SHISAL2B: variants seen among roughly 807,000 people sequenced by gnomAD.
The protein encoded by SHISAL2B is shisa like 2B, also known as protein shisa-like-2B.
In SHISAL2B, 12 loss-of-function variants were observed where a neutral mutation model predicts 16.5. The observed-to-expected ratio is 0.73, with a 90% CI of 0.47 to 1.18. SHISAL2B has a LOEUF of 1.18. SHISAL2B is among the 50% of genes most tolerant of loss of function. The probability of loss-of-function intolerance (pLI) is 0.00; values close to 1 mark genes in which losing one functional copy is unlikely to be tolerated. For synonymous variants in SHISAL2B, 72 were observed against 75.0 expected, an observed-to-expected ratio of 0.96 and a Z score of 0.21; for missense variants, 183 against 193.6, an observed-to-expected ratio of 0.95 and a Z score of 0.33.
At chr5:64,707,789 A>C (rs942192034) in intron 2 of SHISAL2B, among the ~76,000 whole-genome samples, 1 of 152,216 alleles carries the variant, frequency 6.6e-6, no homozygotes, top group Non-Finnish European at 1.5e-5. Flanking sequence ...TTTAAGCAAA[A>C]AGTCAAAAAG....
Position 64,707,463 on chromosome 5 carries a change from T to C in SHISAL2B, c.350-10426T>C, listed in dbSNP as rs114826833. Among the ~76,000 whole-genome samples, 349 of 152,312 alleles carry C rather than the reference T, an allele frequency of 2.3e-3. 3 individuals are homozygous for C. Among genetic ancestry groups the C allele is most frequent in the African/African-American group, 8.0e-3 (332 of 41,572 alleles). On this transcript the variant is annotated intron_variant, in intron 2 of 2. Coordinates refer to ENST00000389074, the MANE Select transcript of SHISAL2B (RefSeq NM_001164442.2). ...AGGCCAGTTTTCCCCAAAGGGCTTT[T>C]ATTGGCTGTATGGGTTAAGCTTGAT... is the stretch of plus-strand genomic sequence containing the variant.
intron 2 of SHISAL2B, among the ~76,000 whole-genome samples, chr5:64,696,127 A>T (rs1169422862): frequency 6.6e-6 from 1 of 152,204 alleles, no homozygotes; most frequent in African/African-American, 2.4e-5. Flanking sequence ...ATACTTTTAT[A>T]ATTTCTTATG....
intron 2 of SHISAL2B, among the ~76,000 whole-genome samples, chr5:64,696,590 A>G (rs958364132): frequency 2.6e-5 from 4 of 152,034 alleles, no homozygotes; most frequent in Admixed American, 2.6e-4. Flanking sequence ...TCCTGGGGGG[A>G]GGTCTATAAA....
chr5:64,690,947 G>C lies in SHISAL2B; in HGVS notation c.191+133G>C, dbSNP rs530318733. On this transcript the variant is annotated intron_variant, in intron 1 of 2. Transcript: ENST00000389074. ...GCCCTAGGTTAGGTCCCTACGGAAG[G>C]ACGCGGAGCCTCTGAGGGCGGGTGA... 6.4e-4 allele frequency: 472 copies of C among 740,384 alleles called. 1 individual carries two copies. In the African/African-American group the frequency reaches 8.0e-3, roughly 13 times the overall value. The allele number at this position is 740,384 out of a possible 1,614,324, so 45.9% of individuals were successfully genotyped here.
rs1454198379 is a variant in SHISAL2B at position 64,718,029 on chromosome 5, A to G, written c.*7A>G. ...AATCCACATTGCTTATTAACTAAAA[A>G]TTCTGTGTTTTAAATGCTTACTGGA... is the stretch of plus-strand genomic sequence containing the variant. On this transcript the variant is annotated 3_prime_UTR_variant, in exon 3 of 3. Coordinates refer to ENST00000389074, the MANE Select transcript of SHISAL2B (RefSeq NM_001164442.2). 1 of 1,495,178 alleles carries G rather than the reference A, an allele frequency of 6.7e-7. No homozygotes were observed. Among genetic ancestry groups the G allele is most frequent in the South Asian group, 1.3e-5 (1 of 75,754 alleles). The allele number at this position is 1,495,178 out of a possible 1,614,324, so 92.6% of individuals were successfully genotyped here.
intron 2 of SHISAL2B, among the ~76,000 whole-genome samples, chr5:64,711,033 T>G (rs976015975): frequency 1.4e-5 from 2 of 142,472 alleles, no homozygotes; most frequent in African/African-American, 2.8e-5. Context: ...TTTTATTTCC[T>G]TCTCCTGCCT....
chr5:64,703,135 G>A (rs893084786), intron 2 of SHISAL2B, among the ~76,000 whole-genome samples: 6 of 152,106 alleles, frequency 3.9e-5, no homozygotes, highest in African/African-American at 1.4e-4. Context: ...ATTTTGATGG[G>A]TTTTGTACTA....
intron 2 of SHISAL2B, among the ~76,000 whole-genome samples, chr5:64,711,499 CT>C (rs1360035762): frequency 6.1e-5 from 7 of 115,324 alleles, no homozygotes; most frequent in Non-Finnish European, 8.6e-5. Flanking sequence ...CTAAAATTCT[CT>C]TTTTTGGTTG....
At chr5:64,713,291 A>T in intron 2 of SHISAL2B, among the ~76,000 whole-genome samples, 2 of 135,924 alleles carry the variant, frequency 1.5e-5, no homozygotes, top group African/African-American at 6.0e-5. Context: ...TTTCTCCTTC[A>T]CTTATGAAGC....
chr5:64,709,384 T>C (rs1473179046), intron 2 of SHISAL2B, among the ~76,000 whole-genome samples: 3 of 151,132 alleles, frequency 2.0e-5, no homozygotes, highest in East Asian at 3.9e-4. Context: ...TTTTTATGGC[T>C]GCATAGTATT....
intron 2 of SHISAL2B, among the ~76,000 whole-genome samples, chr5:64,701,221 G>T (rs1437704412): frequency 2.6e-5 from 4 of 152,098 alleles, no homozygotes; most frequent in African/African-American, 9.7e-5. Flanking sequence ...ATCCATGGTT[G>T]GTTGAATCTA....
chr5:64,690,936 C>T (rs1055150744), intron 1 of SHISAL2B, 122 bp downstream of exon 1: 7 of 854,428 alleles, frequency 8.2e-6, no homozygotes, highest in South Asian at 2.4e-5. Flanking sequence ...TAGGTTAGGT[C>T]CCTACGGAAG....
chr5:64,708,426 A>T (rs10079723), intron 2 of SHISAL2B, among the ~76,000 whole-genome samples: 49,485 of 151,972 alleles, frequency 0.33, 8,426 homozygotes, highest in East Asian at 0.51. Flanking sequence ...AACCAAAGGG[A>T]TAACATAAAG....
At chr5:64,691,766 G>T (rs946755721) in intron 1 of SHISAL2B, among the ~76,000 whole-genome samples, 2 of 152,134 alleles carry the variant, frequency 1.3e-5, no homozygotes, top group Non-Finnish European at 2.9e-5. Flanking sequence ...CTTGAAGAAT[G>T]AATGGGGTTC....
intron 2 of SHISAL2B, among the ~76,000 whole-genome samples, chr5:64,706,468 A>T (rs1443085087): frequency 6.6e-6 from 1 of 152,204 alleles, no homozygotes; most frequent in Non-Finnish European, 1.5e-5. Flanking sequence ...AGTGATTTTG[A>T]AGTCCCAAGA....
intron 2 of SHISAL2B, among the ~76,000 whole-genome samples, chr5:64,698,351 C>A (rs1195665609): frequency 6.6e-6 from 1 of 152,216 alleles, no homozygotes; most frequent in Non-Finnish European, 1.5e-5. Context: ...CTTCCTATCT[C>A]TTTCAATAGA....
At position 64,698,474 on chromosome 5, in the gene SHISAL2B, CAG is replaced by C. The variant is rs532162717; in HGVS notation, c.349+2811_349+2812del. Among the ~76,000 whole-genome samples the C allele has an allele frequency of 1.2e-3, 186 of 152,302 alleles. 1 individual carries two copies. The highest frequency in any genetic ancestry group is 2.1e-3 in the Non-Finnish European group (143 of 68,028). ...TTGCTGTTCCTTGAACTTCCTGACT[CAG>C]GGTCTTTGCACATGCTTCCACTATT... On this transcript the variant is annotated intron_variant, in intron 2 of 2. Transcript: ENST00000389074.
chr5:64,706,801 G>C (rs1741881555), intron 2 of SHISAL2B, among the ~76,000 whole-genome samples: 1 of 152,140 alleles, frequency 6.6e-6, no homozygotes, highest in Non-Finnish European at 1.5e-5. Context: ...TTCTTCTAAA[G>C]CTTAAGTTGT....
intron 2 of SHISAL2B, among the ~76,000 whole-genome samples, chr5:64,701,627 CAAAT>C (rs1741810785): frequency 6.6e-6 from 1 of 151,842 alleles, no homozygotes; most frequent in African/African-American, 2.4e-5. Context: ...CTGCTTGGCA[CAAAT>C]AAAATAATAC....
Sources: gnomAD v4.1 joint callset for allele counts (sites outside exome capture counted in the v4.1 genomes callset) on GRCh38, gnomAD v4.1.1 for gene constraint, MANE v1.5 for transcripts, NCBI Gene and HGNC (gene_info 2026-07-23, HGNC 2026-07-21) for gene names.